TP53I13: variants seen among roughly 807,000 people sequenced by gnomAD.
TP53I13 encodes the protein tumor protein p53-inducible protein 13.
Under a neutral mutation model 39.1 loss-of-function variants are expected in TP53I13, and 27 were observed. The observed-to-expected ratio is 0.69, with a 90% CI of 0.51 to 0.95. The LOEUF (loss-of-function observed/expected upper bound fraction) is 0.95, where lower values mean the gene tolerates loss of function less well. TP53I13 is among the 40% of genes least tolerant of loss of function. The pLI, the probability that TP53I13 is intolerant of heterozygous loss-of-function variation, is 0.00. For synonymous variants in TP53I13, 230 were observed against 224.6 expected, an observed-to-expected ratio of 1.02 and a Z score of -0.22; for missense variants, 544 against 520.4, an observed-to-expected ratio of 1.05 and a Z score of -0.44.
chr17:29,579,148 CCCT>C, the TP53I13 span: 1 of 652,606 alleles, frequency 1.5e-6, no homozygotes, highest in Non-Finnish European at 2.8e-6. Flanking sequence ...CGTCCCCCAC[CCCT>C]CCTCCTCTGG....
At chr17:29,576,548 C>T (rs768304367), downstream of TP53I13, 8 of 1,613,848 alleles carry the variant, frequency 5.0e-6, no homozygotes, top group African/African-American at 2.7e-5. Context: ...CGGAGCTCGT[C>T]GCTCAGGCTA....
At position 29,572,879 on chromosome 17, in the gene TP53I13, C is replaced by T. The variant is rs1404805468; in HGVS notation, c.1137C>T (p.Leu379=). The T allele has an allele frequency of 6.6e-7, 1 of 1,517,210 alleles. No homozygotes were observed. Among genetic ancestry groups the T allele is most frequent in the Non-Finnish European group, 8.8e-7 (1 of 1,139,884 alleles). The allele number at this position is 1,517,210 out of a possible 1,614,324, so 94.0% of individuals were successfully genotyped here. A position where few individuals can be genotyped will look rare whatever the true frequency, so the allele number is the denominator to read the frequency against. The change falls in exon 7 of 7, where the codon CTC becomes CTT. Residue 379 remains leucine, a synonymous_variant. Coordinates refer to ENST00000301057, the MANE Select transcript of TP53I13 (RefSeq NM_138349.4). The part of the protein sequence containing the change: ...RVKRSRRRPL[L]PPTPDSGPEG... ...AGCGCTCGCGCCGGAGACCCCTCCTCCCGCCCACGCCGGACAGCGGCCCGG... is the reference window on the plus strand; with the variant it reads ...AGCGCTCGCGCCGGAGACCCCTCCTTCCGCCCACGCCGGACAGCGGCCCGG...
At chr17:29,580,580 A>G in the TP53I13 span, among the ~76,000 whole-genome samples, 3 of 152,116 alleles carry the variant, frequency 2.0e-5, no homozygotes, top group Non-Finnish European at 4.4e-5. Context: ...ACCTCATTCA[A>G]CCAGCCTCAG....
chr17:29,578,464 G>T, the TP53I13 span: 4 of 1,213,484 alleles, frequency 3.3e-6, no homozygotes, highest in Non-Finnish European at 4.9e-6. Flanking sequence ...TGGGGAACCG[G>T]TGGCCTTCCT....
downstream of TP53I13, chr17:29,576,860 G>T: frequency 6.3e-7 from 1 of 1,575,980 alleles, no homozygotes; most frequent in African/African-American, 1.3e-5. Context: ...GTGGGACTCA[G>T]ACCCGGGCCC....
the TP53I13 span, chr17:29,581,636 C>A: frequency 1.2e-6 from 1 of 862,894 alleles, no homozygotes; most frequent in South Asian, 1.4e-5. The surrounding 1 kb of genome is among the most constrained non-coding windows in gnomAD (Gnocchi z 4.8). Context: ...ACATTGCTCC[C>A]CAGCCGCTCT....
At chr17:29,578,644 G>T in the TP53I13 span, 1 of 1,225,162 alleles carries the variant, frequency 8.2e-7, no homozygotes, top group Non-Finnish European at 1.2e-6. Context: ...AGGTCATCGA[G>T]TCAGAGGCAG....
At chr17:29,568,208 C>T (rs537286178), upstream of TP53I13, 1 of 152,420 alleles carries the variant, frequency 6.6e-6, no homozygotes, top group East Asian at 1.9e-4. The surrounding 1 kb of genome is among the most constrained non-coding windows in gnomAD (Gnocchi z 4.5). Context: ...CGGCGAAGCT[C>T]CAGAGGTGGG....
downstream of TP53I13, chr17:29,577,785 C>A: frequency 3.3e-6 from 4 of 1,230,530 alleles, no homozygotes; most frequent in Non-Finnish European, 4.8e-6. Flanking sequence ...GGTGGCCAGG[C>A]CCCCAAGGTG....
At chr17:29,569,139 C>G in intron 2 of TP53I13, 53 bp downstream of exon 2, 1 of 1,541,626 alleles carries the variant, frequency 6.5e-7, no homozygotes, top group Non-Finnish European at 8.8e-7. Context: ...CTAGCCCAGT[C>G]CCGCTCTGTT....
chr17:29,579,813 G>C, the TP53I13 span, among the ~76,000 whole-genome samples: 1 of 152,038 alleles, frequency 6.6e-6, no homozygotes, highest in Non-Finnish European at 1.5e-5. Flanking sequence ...CCATTTCCAG[G>C]AGAGATAACC....
In TP53I13 at chr17:29,572,955, C is replaced by T. The variant is rs964682119; in HGVS notation, c.*31C>T. The T allele has an allele frequency of 1.2e-5, 17 of 1,378,432 alleles. No individual in the cohort carries two copies. The highest frequency in any genetic ancestry group is 1.0e-4 in the Admixed American group (3 of 28,692). The allele number at this position is 1,378,432 out of a possible 1,614,324, so 85.4% of individuals were successfully genotyped here. A position where few individuals can be genotyped will look rare whatever the true frequency, so the allele number is the denominator to read the frequency against. ...TGGGACCTGCCACTGTGGCGTGCGG[C>T]TCCTCCCCGCGCCGCGAGGCCGCGA... On this transcript the variant is annotated 3_prime_UTR_variant, in exon 7 of 7. Transcript: ENST00000301057.
downstream of TP53I13, chr17:29,576,248 GT>G: frequency 6.2e-7 from 1 of 1,609,450 alleles, no homozygotes; most frequent in Non-Finnish European, 8.5e-7. Context: ...CAGCCGCGTA[GT>G]GAGCTCGTCC....
the TP53I13 span, chr17:29,581,098 C>G: frequency 1.8e-6 from 1 of 568,310 alleles, no homozygotes; most frequent in East Asian, 2.9e-5. The surrounding 1 kb of genome is among the most constrained non-coding windows in gnomAD (Gnocchi z 4.8). Flanking sequence ...CTTCTCACAC[C>G]CAAGCCCTCC....
At chr17:29,574,137 AAAAC>A (rs1162996025), downstream of TP53I13, 3 of 152,440 alleles carry the variant, frequency 2.0e-5, no homozygotes. Context: ...AGAAAAAAAA[AAAAC>A]AGACTTTCCA....
intron 2 of TP53I13, 90 bp downstream of exon 2, chr17:29,569,176 C>G (rs2032828922): frequency 4.7e-6 from 7 of 1,489,202 alleles, no homozygotes; most frequent in Non-Finnish European, 6.4e-6. Context: ...CAGTCACCAT[C>G]TGAGGACCTC....
chr17:29,579,188 T>G, the TP53I13 span: 2 of 597,182 alleles, frequency 3.3e-6, no homozygotes, highest in East Asian at 2.8e-5. Flanking sequence ...GTGACCTGTT[T>G]GTCCACCACC....
chr17:29,578,313 C>G, the TP53I13 span: 1 of 1,614,068 alleles, frequency 6.2e-7, no homozygotes, highest in Non-Finnish European at 8.5e-7. Context: ...ATCATTTTCT[C>G]TTCGATCCAC....
the TP53I13 span, chr17:29,578,717 T>G: frequency 6.2e-7 from 1 of 1,611,850 alleles, no homozygotes; most frequent in South Asian, 1.1e-5. Flanking sequence ...AGGGCACTGT[T>G]GGAGCAGACT....
Sources: gnomAD v4.1 joint callset for allele counts (sites outside exome capture counted in the v4.1 genomes callset) on GRCh38, gnomAD v4.1.1 for gene constraint, Gnocchi (gnomAD v3.1) non-coding constraint, MANE v1.5 for transcripts, NCBI Gene and HGNC (gene_info 2026-07-23, HGNC 2026-07-21) for gene names.